GPSM1: variants seen among roughly 807,000 people sequenced by gnomAD.
GPSM1 encodes G protein signaling modulator 1, also known as G protein-signaling modulator 1.
GPSM1 carries 48 observed loss-of-function variants against 70.5 expected under a neutral mutation model. The observed-to-expected ratio is 0.68, with a 90% CI of 0.54 to 0.87. The LOEUF (loss-of-function observed/expected upper bound fraction) is 0.87. Ranked by LOEUF, GPSM1 falls within the 40% of genes least tolerant of loss-of-function variation. The probability of loss-of-function intolerance (pLI) is 0.00; values close to 1 mark genes in which losing one functional copy is unlikely to be tolerated. For missense variants in GPSM1, 981 were observed against 972.6 expected, an observed-to-expected ratio of 1.01 and a Z score of -0.11; for synonymous variants, 416 against 430.1, an observed-to-expected ratio of 0.97 and a Z score of 0.41.
rs191992746 is a variant in GPSM1 at position 136,342,561 on chromosome 9, C to T, written c.1207+1568C>T. Reference sequence around the variant, plus strand: ...CAGCCTGGCTGGGGCCGCCGCCCGGCTGCCGCTGTGGGAGGCAGGCTGCAC... The same window carrying T: ...CAGCCTGGCTGGGGCCGCCGCCCGGTTGCCGCTGTGGGAGGCAGGCTGCAC... On this transcript the variant is annotated intron_variant, in intron 9 of 13. Transcript: ENST00000440944. The surrounding 1 kb of genome is among the most constrained non-coding windows in gnomAD (Gnocchi z 5.5). Among the ~76,000 whole-genome samples the T allele has an allele frequency of 2.6e-3, 398 of 152,244 alleles. No homozygotes were observed. Among genetic ancestry groups the T allele is most frequent in the African/African-American group, 9.1e-3 (379 of 41,562 alleles).
chr9:136,332,270 G>C (rs1832118970), intron 1 of GPSM1: 2 of 397,884 alleles, frequency 5.0e-6, no homozygotes, highest in Non-Finnish European at 8.9e-6. Flanking sequence ...ACCTGGTGCA[G>C]CTGCAGGTGG....
intron 2 of GPSM1, among the ~76,000 whole-genome samples, chr9:136,334,874 C>T (rs565572135): frequency 1.3e-4 from 20 of 151,332 alleles, no homozygotes; most frequent in African/African-American, 4.4e-4. Flanking sequence ...GCCCTGCTGG[C>T]GGGTGAGTGG....
At chr9:136,337,187 G>A in intron 4 of GPSM1, 115 bp downstream of exon 4, 2 of 1,117,306 alleles carry the variant, frequency 1.8e-6, no homozygotes, top group Non-Finnish European at 2.5e-6. Context: ...TCCCAGGGCA[G>A]TGACGGCCAG....
Position 136,341,405 on chromosome 9 carries a change from C to T in GPSM1, c.1207+412C>T. On this transcript the variant is annotated intron_variant, in intron 9 of 13. Transcript: ENST00000440944. The surrounding 1 kb of genome is among the most constrained non-coding windows in gnomAD (Gnocchi z 6.7). ...CTGGGCTGGGCTGGGCTGTGGGAGC[C>T]CTATGTGCCTGGGGCAGTAATCAGG... 7.0e-7 allele frequency: 1 copy of T among 1,420,916 alleles called. No individual in the cohort carries two copies. The highest frequency in any genetic ancestry group is 1.5e-5 in the South Asian group (1 of 65,988). The allele number at this position is 1,420,916 out of a possible 1,614,324, so 88.0% of individuals were successfully genotyped here. A position where few individuals can be genotyped will look rare whatever the true frequency, so the allele number is the denominator to read the frequency against.
Position 136,341,492 on chromosome 9 carries a change from A to T in GPSM1, c.1207+499A>T. 1 of 1,266,426 alleles carries T rather than the reference A, an allele frequency of 7.9e-7. No individual in the cohort carries two copies. The highest frequency in any genetic ancestry group is 1.0e-6 in the Non-Finnish European group (1 of 1,002,294). 78.4% of individuals were successfully genotyped at this position (1,266,426 alleles called of 1,614,324 possible). A position where few individuals can be genotyped will look rare whatever the true frequency, so the allele number is the denominator to read the frequency against. On this transcript the variant is annotated intron_variant, in intron 9 of 13. Coordinates refer to ENST00000440944, the MANE Select transcript of GPSM1 (RefSeq NM_001145638.3). This position sits in a 1 kb window ranked among gnomAD's most constrained non-coding sequence, Gnocchi z 6.7. ...TCATTCATGGACCGCTGGTCGTCCC[A>T]TGCCGGTCAGCAGTGCTGCAGACAC...
chr9:136,347,976 G>A (rs1434153326), intron 9 of GPSM1, among the ~76,000 whole-genome samples: 1 of 152,242 alleles, frequency 6.6e-6, no homozygotes, highest in Non-Finnish European at 1.5e-5. Context: ...GGGCCTGGCT[G>A]TGGGGCTTCC....
Position 136,327,758 on chromosome 9 carries a change from C to T in GPSM1, c.63C>T (p.Tyr21=), listed in dbSNP as rs781894560. 5 of 1,183,784 alleles carry T rather than the reference C, an allele frequency of 4.2e-6. No homozygotes were observed. The highest frequency in any genetic ancestry group is 5.2e-6 in the Non-Finnish European group (5 of 956,036). The allele number at this position is 1,183,784 out of a possible 1,614,324, so 73.3% of individuals were successfully genotyped here. ...CGGGCCCGGCCGCCAGGCGCCTCTA[C>T]TCCAGGTAGGACGGGCCGGGGCCGG... ...ELPGPAARRL[Y]SRMEASCLEL... The change falls in exon 1 of 14, where the codon TAC becomes TAT. Residue 21 remains tyrosine (Y), a synonymous_variant. Transcript: ENST00000440944.
chr9:136,331,714 C>T (rs776905343), intron 1 of GPSM1, among the ~76,000 whole-genome samples: 2 of 152,214 alleles, frequency 1.3e-5, no homozygotes, highest in Non-Finnish European at 2.9e-5. Flanking sequence ...GAGGGCAATG[C>T]CGCTGGTCCC....
intron 7 of GPSM1, 120 bp downstream of exon 7, chr9:136,338,830 G>A (rs1369512085): frequency 1.9e-6 from 2 of 1,056,308 alleles, no homozygotes; most frequent in African/African-American, 3.2e-5. Context: ...CTGTGACCCA[G>A]GAGTGGCAAC....
intron 2 of GPSM1, among the ~76,000 whole-genome samples, 163 bp from the exon 3 acceptor site, chr9:136,335,803 G>A (rs533050610): frequency 5.3e-5 from 8 of 152,246 alleles, no homozygotes; most frequent in Admixed American, 6.5e-5. Flanking sequence ...TCACTTGCCC[G>A]GCCTGTGGGC....
Position 136,342,646 on chromosome 9 carries a change from G to A in GPSM1, c.1207+1653G>A, listed in dbSNP as rs1005221885. On this transcript the variant is annotated intron_variant, in intron 9 of 13. Transcript: ENST00000440944. The surrounding 1 kb of genome is among the most constrained non-coding windows in gnomAD (Gnocchi z 5.5). ...GCTCAGCTGAGCCTGGCAGGGACAG[G>A]GCCTTGAGGCCGGGAGTCTGGACCC... Among the ~76,000 whole-genome samples, 5 of 152,296 alleles carry A rather than the reference G, an allele frequency of 3.3e-5. No individual in the cohort carries two copies. The South Asian group carries it at 8.3e-4, about 25-fold the overall frequency.
chr9:136,357,643 A>G (rs1246034081), intron 13 of GPSM1, among the ~76,000 whole-genome samples: 2 of 152,186 alleles, frequency 1.3e-5, no homozygotes, highest in Non-Finnish European at 2.9e-5. Context: ...AGGGCTGGGC[A>G]GAGGGACGGC....
At chr9:136,336,173 G>A (rs1381458334) in intron 3 of GPSM1, 72 bp downstream of exon 3, 100 of 1,524,300 alleles carry the variant, frequency 6.6e-5, no homozygotes, top group Admixed American at 2.4e-4. Flanking sequence ...GGATAGGGGC[G>A]GGCGGGTGAC....
rs990224276 is a variant in GPSM1, at chr9:136,358,379, C to T, written c.*159C>T. ...GGCGACAGGCTCAGGCCAAGCTGCC[C>T]GTGGTGGGAGGGCGTGCTTCCATCC... On this transcript the variant is annotated 3_prime_UTR_variant, in exon 14 of 14. Transcript: ENST00000440944. The T allele has an allele frequency of 1.8e-4, 126 of 690,684 alleles. No homozygotes were observed. Among genetic ancestry groups the T allele is most frequent in the Middle Eastern group, 7.6e-4 (2 of 2,622 alleles). The allele number at this position is 690,684 out of a possible 1,614,324, so 42.8% of individuals were successfully genotyped here. A position where few individuals can be genotyped will look rare whatever the true frequency, so the allele number is the denominator to read the frequency against.
At position 136,334,455 on chromosome 9, in the gene GPSM1, C is replaced by T. The variant is rs781889241; in HGVS notation, c.77C>T (p.Ala26Val). ...CAAGTTCCTCTGCACAGGATGGAGG[C>T]GTCCTGCCTAGAGCTGGCGCTGGAG... ...AARRLYSRME[A>V]SCLELALEGE... The change falls in exon 2 of 14, where the codon GCG (alanine) becomes GTG (valine). Residue 26 changes from alanine (A) to valine (V), a missense_variant. Coordinates refer to ENST00000440944, the MANE Select transcript of GPSM1 (RefSeq NM_001145638.3). The T allele has an allele frequency of 9.3e-6, 15 of 1,611,378 alleles. No homozygotes were observed. Among genetic ancestry groups the T allele is most frequent in the Middle Eastern group, 1.7e-4 (1 of 5,864 alleles).
rs376077765 is a variant in GPSM1, at chr9:136,335,609, C to T, written c.291-357C>T. Among the ~76,000 whole-genome samples the T allele has an allele frequency of 9.9e-5, 15 of 152,228 alleles. No individual in the cohort carries two copies. The East Asian group carries it at 1.4e-3, about 14-fold the overall frequency. On this transcript the variant is annotated intron_variant, in intron 2 of 13. Transcript: ENST00000440944. ...AGTTAGCAGGAAGTTAGTTCTCCAC[C>T]ATCAGGCCCCCCAAGTCCTCCCCGG...
At position 136,327,656 on chromosome 9, in the gene GPSM1, CGG is replaced by C; in HGVS notation, c.-35_-34del. On this transcript the variant is annotated 5_prime_UTR_variant, in exon 1 of 14. Transcript: ENST00000440944. ...GGGCAGGGGGCGGACGGCCACGGCG[CGG>C]GGGGCGCTCCCGGCTCCCGCTCCCG... 1.3e-6 allele frequency: 1 copy of C among 760,098 alleles called. No homozygotes were observed. The highest frequency in any genetic ancestry group is 1.6e-6 in the Non-Finnish European group (1 of 606,090). 47.1% of individuals were successfully genotyped at this position (760,098 alleles called of 1,614,324 possible).
Position 136,336,992 on chromosome 9 carries a change from C to A in GPSM1, c.498C>A (p.Asn166Lys), listed in dbSNP as rs542978161. ...CCAAAGGCAAGCAACTGTCCTGGAA[C>A]GCCGCAAACGCCACGCAGGACCCCG... Reference protein sequence around the residue: ...YHAKGKQLSWNAANATQDPGH... With the variant: ...YHAKGKQLSWKAANATQDPGH... Residue 166 changes from asparagine to lysine, a missense_variant, in exon 4 of 14, where the codon AAC (asparagine) becomes AAA (lysine). Asn to Lys is a moderately conservative substitution (Grantham distance 94). Coordinates refer to ENST00000440944, the MANE Select transcript of GPSM1 (RefSeq NM_001145638.3). The A allele has an allele frequency of 5.7e-5, 89 of 1,553,880 alleles. 1 individual carries two copies. The South Asian group carries it at 8.4e-4, about 15-fold the overall frequency.
chr9:136,336,244 A>C, intron 3 of GPSM1, 143 bp downstream of exon 3: 1 of 1,013,674 alleles, frequency 9.9e-7, no homozygotes, highest in East Asian at 2.6e-5. Flanking sequence ...CTAGATCCCG[A>C]GTGACTCAGG....
Sources: gnomAD v4.1 joint callset for allele counts (sites outside exome capture counted in the v4.1 genomes callset) on GRCh38, gnomAD v4.1.1 for gene constraint, Gnocchi (gnomAD v3.1) non-coding constraint, MANE v1.5 for transcripts, NCBI Gene and HGNC (gene_info 2026-07-23, HGNC 2026-07-21) for gene names.